Variants in LAMA5 observed in about 807,000 individuals in gnomAD.
LAMA5 encodes laminin subunit alpha-5.
In LAMA5, 260 loss-of-function variants were observed where a neutral mutation model predicts 433.4. The ratio of observed to expected loss-of-function variants is 0.60; its 90% CI spans 0.54 to 0.66. LAMA5 has a LOEUF of 0.66. Ranked by LOEUF, LAMA5 falls within the 30% of genes least tolerant of loss-of-function variation. LAMA5 has a pLI of 0.00. For synonymous variants in LAMA5, 2,620 were observed against 2,226.6 expected (o/e 1.18, Z -4.97); for missense variants, 5,378 against 5,258.5 (o/e 1.02, Z -0.70).
intron 62 of LAMA5, 98 bp downstream of exon 62, chr20:62,314,206 A>AGGTGAAG: frequency 7.1e-7 from 1 of 1,414,564 alleles, no homozygotes; most frequent in Non-Finnish European, 9.6e-7. Flanking sequence ...GGGCATGGAG[A>AGGTGAAG]GGTGAAGGGT....
In LAMA5 at chr20:62,333,717, G is replaced by A. The variant is rs1980960820; in HGVS notation, c.2879-11C>T. Reference sequence around the variant, plus strand: ...GACTCTGTGCTGTGCCTGGGCGGGGGCAGGGGTGAGACTCCTGAGCCCAGC... The same window carrying A: ...GACTCTGTGCTGTGCCTGGGCGGGGACAGGGGTGAGACTCCTGAGCCCAGC... On this transcript the variant is annotated splice_polypyrimidine_tract_variant and intron_variant, in intron 23 of 79. Transcript: ENST00000252999. The A allele has an allele frequency of 6.4e-6, 10 of 1,573,418 alleles. No individual in the cohort carries two copies. In the East Asian group the frequency reaches 1.1e-4, roughly 18 times the overall value.
At position 62,310,305 on chromosome 20, in the gene LAMA5, G is replaced by A; in HGVS notation, c.10607C>T (p.Pro3536Leu). 1.2e-6 allele frequency: 2 copies of A among 1,603,876 alleles called. No individual in the cohort carries two copies. Among genetic ancestry groups the A allele is most frequent in the Admixed American group, 1.7e-5 (1 of 59,420 alleles). ...GCCCACATCAGGCAGTGTAGCTCCT[G>A]GGAGGTCTGCGGGGAGGGGTTGTGA... ...GSGGVITLDL[P>L]GATLPDVGLE... is the part of the protein sequence containing the mutation. Residue 3536 changes from proline to leucine, a missense_variant, in exon 77 of 80, where the codon CCA (proline) becomes CTA (leucine). By Grantham distance (98) the Pro-to-Leu change is moderately conservative. Coordinates refer to ENST00000252999, the MANE Select transcript of LAMA5 (RefSeq NM_005560.6).
At chr20:62,316,605 C>G in intron 57 of LAMA5, 66 bp downstream of exon 57, 1 of 1,268,208 alleles carries the variant, frequency 7.9e-7, no homozygotes, top group Non-Finnish European at 1.1e-6. Flanking sequence ...TGGCTGGGGG[C>G]TGAGGGTCCC....
In LAMA5 at chr20:62,313,444, C is replaced by A; in HGVS notation, c.8675G>T (p.Arg2892Leu). The A allele has an allele frequency of 6.2e-7, 1 of 1,608,526 alleles. No individual in the cohort carries two copies. Among genetic ancestry groups the A allele is most frequent in the Admixed American group, 1.7e-5 (1 of 59,642 alleles). The part of the protein sequence containing the change: ...PSTFTPPPLL[R>L]FPGYRGCIEM... ...GATGCAGCCCCGGTAGCCGGGGAAG[C>A]GAAGCAGGGGAGGGGGCTGTGGGCA... Residue 2892 changes from arginine to leucine, a missense_variant, in exon 64 of 80, where the codon CGC (arginine) becomes CTC (leucine). Physicochemically the swap from Arg to Leu is moderately radical, Grantham distance 102. Transcript: ENST00000252999.
chr20:62,332,949 C>CAGGAGGCAGGAGGT, intron 26 of LAMA5, 141 bp downstream of exon 26: 1 of 1,167,278 alleles, frequency 8.6e-7, no homozygotes, highest in Non-Finnish European at 1.2e-6. Context: ...AGGCAGGAGG[C>CAGGAGGCAGGAGGT]AGGGGCGCCC....
rs1213188771 is a variant in LAMA5 at position 62,359,936 on chromosome 20, G to A, written c.450+2464C>T. ...GCCTTCCCGATGCCCAGTGCCAGCCGCCCCCACCCCCGTCCCAGGGCATCC... is the reference window on the plus strand; with the variant it reads ...GCCTTCCCGATGCCCAGTGCCAGCCACCCCCACCCCCGTCCCAGGGCATCC... On this transcript the variant is annotated intron_variant, in intron 2 of 79. Transcript: ENST00000252999. This position sits in a 1 kb window ranked among gnomAD's most constrained non-coding sequence, Gnocchi z 4.3. Among the ~76,000 whole-genome samples, 2 of 150,496 alleles carry A rather than the reference G, an allele frequency of 1.3e-5. No homozygotes were observed. The highest frequency in any genetic ancestry group is 2.1e-4 in the South Asian group (1 of 4,722).
At chr20:62,319,558 G>T in intron 51 of LAMA5, 126 bp downstream of exon 51, 1 of 666,684 alleles carries the variant, frequency 1.5e-6, no homozygotes, top group Non-Finnish European at 2.6e-6. Flanking sequence ...CTCCAGAGGC[G>T]TCGTCTCCCA....
Position 62,314,323 on chromosome 20 carries a change from C to A in LAMA5, c.8485G>T (p.Ala2829Ser), listed in dbSNP as rs770749080. Residue 2829 changes from alanine (A) to serine (S), a missense_variant, in exon 62 of 80, where the codon GCA becomes TCA. Transcript: ENST00000252999. ...TCCCACCTGTCCAGGCTGACAGCTGCGAACTGCTCCCCAATGTCCTCATCG... is the reference window on the plus strand; with the variant it reads ...TCCCACCTGTCCAGGCTGACAGCTGAGAACTGCTCCCCAATGTCCTCATCG... Reference protein sequence around the residue: ...SIDEDIGEQFAAVSLDRTLQF... With the variant: ...SIDEDIGEQFSAVSLDRTLQF... 2 of 1,613,080 alleles carry A rather than the reference C, an allele frequency of 1.2e-6. No individual in the cohort carries two copies. Among genetic ancestry groups the A allele is most frequent in the African/African-American group, 1.3e-5 (1 of 74,882 alleles).
chr20:62,347,863 C>T lies in LAMA5; in HGVS notation c.957-835G>A, dbSNP rs140544968. ...GGTCCAGCTCTAGTCCTGTCCTCCA[C>T]GGGGCCCACCTCACAGGGCCTCGGG... On this transcript the variant is annotated intron_variant, in intron 6 of 79. Coordinates refer to ENST00000252999, the MANE Select transcript of LAMA5 (RefSeq NM_005560.6). Among the ~76,000 whole-genome samples, 180 of 152,266 alleles carry T rather than the reference C, an allele frequency of 1.2e-3. 1 individual carries two copies. Among genetic ancestry groups the T allele is most frequent in the African/African-American group, 4.2e-3 (173 of 41,554 alleles).
intron 28 of LAMA5, among the ~76,000 whole-genome samples, chr20:62,331,432 C>T (rs1158858672): frequency 2.6e-5 from 4 of 152,150 alleles, no homozygotes; most frequent in African/African-American, 9.7e-5. Context: ...TCCAGCTGCA[C>T]AAACCCCAAC....
intron 46 of LAMA5, 26 bp downstream of exon 46, chr20:62,322,632 C>T: frequency 7.1e-7 from 1 of 1,406,362 alleles, no homozygotes; most frequent in Middle Eastern, 2.5e-4. Context: ...CCCACCCACC[C>T]AGCCCTGCTT....
At chr20:62,332,787 C>T (rs1980730828) in intron 26 of LAMA5, 70 bp from the exon 27 acceptor site, 1 of 1,553,908 alleles carries the variant, frequency 6.4e-7, no homozygotes, top group African/African-American at 1.4e-5. Flanking sequence ...CCTCCCACTC[C>T]AGCGCCTCCC....
At chr20:62,318,297 AG>A (rs1163874667) in intron 53 of LAMA5, among the ~76,000 whole-genome samples, 156 bp downstream of exon 53, 5 of 17,586 alleles carry the variant, frequency 2.8e-4, no homozygotes, top group African/African-American at 3.0e-4. Flanking sequence ...GAAGAGGAGG[AG>A]GGGGGGAAGA....
chr20:62,347,755 C>T lies in LAMA5; in HGVS notation c.957-727G>A, dbSNP rs375009188. ...GTCCCTGCCCCAGATCAGGCTCTGCCGGAGGCTGCAGGGCCGTGCGTTCCC... is the reference window on the plus strand; with the variant it reads ...GTCCCTGCCCCAGATCAGGCTCTGCTGGAGGCTGCAGGGCCGTGCGTTCCC... On this transcript the variant is annotated intron_variant, in intron 6 of 79. Transcript: ENST00000252999. Among the ~76,000 whole-genome samples, 11 of 152,186 alleles carry T rather than the reference C, an allele frequency of 7.2e-5. No homozygotes were observed. The South Asian group carries it at 1.0e-3, about 14-fold the overall frequency.
At position 62,326,978 on chromosome 20, in the gene LAMA5, ACAGACAGAGGTGACCTGGC is replaced by A; in HGVS notation, c.5113-31_5113-13del. 1 of 1,581,438 alleles carries A rather than the reference ACAGACAGAGGTGACCTGGC, an allele frequency of 6.3e-7. No homozygotes were observed. Among genetic ancestry groups the A allele is most frequent in the Non-Finnish European group, 8.7e-7 (1 of 1,155,336 alleles). ...CCGTAGGATGACACCTGGAGGCAGGACAGACAGAGGTGACCTGGCCAGACTCTGGCCACAGGCTCAGAGC... is the reference window on the plus strand; with the variant it reads ...CCGTAGGATGACACCTGGAGGCAGGACAGACTCTGGCCACAGGCTCAGAGC... On this transcript the variant is annotated splice_polypyrimidine_tract_variant and intron_variant, in intron 38 of 79. Coordinates refer to ENST00000252999, the MANE Select transcript of LAMA5 (RefSeq NM_005560.6).
At chr20:62,323,958 C>T in intron 43 of LAMA5, 102 bp from the exon 44 acceptor site, 1 of 1,434,338 alleles carries the variant, frequency 7.0e-7, no homozygotes, top group South Asian at 1.4e-5. Context: ...GTCGGGGGCC[C>T]AGACCTCACG....
intron 25 of LAMA5, 66 bp from the exon 26 acceptor site, chr20:62,333,309 G>A (rs1980850511): frequency 6.3e-7 from 1 of 1,597,504 alleles, no homozygotes; most frequent in Non-Finnish European, 8.5e-7. Flanking sequence ...CCTGAGTGGG[G>A]GAAGCCAGGC....
chr20:62,345,567 C>T (rs1016952629), intron 11 of LAMA5: 10 of 635,524 alleles, frequency 1.6e-5, no homozygotes, highest in South Asian at 9.4e-5. Context: ...TCACTACACC[C>T]AGCTAATTTT....
rs1446220403 is a variant in LAMA5 at position 62,328,550 on chromosome 20, G to A, written c.4448-105C>T. On this transcript the variant is annotated intron_variant, in intron 34 of 79. Transcript: ENST00000252999. ...ATGTGGCAGTGTGACGGGGGCGGGG[G>A]AGACAAGAACAGGGACCCCTGCCCC... The A allele has an allele frequency of 3.9e-5, 48 of 1,238,114 alleles. No homozygotes were observed. In the East Asian group the frequency reaches 5.4e-4, roughly 14 times the overall value. 76.7% of individuals were successfully genotyped at this position (1,238,114 alleles called of 1,614,324 possible).
Sources: gnomAD v4.1 joint callset for allele counts (sites outside exome capture counted in the v4.1 genomes callset) on GRCh38, gnomAD v4.1.1 for gene constraint, Gnocchi (gnomAD v3.1) non-coding constraint, MANE v1.5 for transcripts, NCBI Gene and HGNC (gene_info 2026-07-23, HGNC 2026-07-21) for gene names.